TMEM132B: variants seen among roughly 807,000 people sequenced by gnomAD.
The protein encoded by TMEM132B is transmembrane protein 132B.
In TMEM132B, 18 loss-of-function variants were observed where a neutral mutation model predicts 90.8. The ratio of observed to expected loss-of-function variants is 0.20; its 90% CI spans 0.14 to 0.29. The LOEUF (loss-of-function observed/expected upper bound fraction) is 0.29. TMEM132B is among the 10% of genes least tolerant of loss of function. The pLI, the probability that TMEM132B is intolerant of heterozygous loss-of-function variation, is 1.00. For missense variants in TMEM132B, 1,096 were observed against 1,326.8 expected (o/e 0.83, Z 2.70); for synonymous variants, 504 against 523.3 (o/e 0.96, Z 0.50).
At chr12:125,308,325 C>T (rs1876044481) in intron 1 of TMEM132B, among the ~76,000 whole-genome samples, 1 of 152,112 alleles carries the variant, frequency 6.6e-6, no homozygotes, top group African/African-American at 2.4e-5. Context: ...GTCATCCACT[C>T]TGTTCTTTGC....
chr12:125,551,969 T>A (rs1464708650), intron 4 of TMEM132B, among the ~76,000 whole-genome samples: 1 of 152,186 alleles, frequency 6.6e-6, no homozygotes, highest in Non-Finnish European at 1.5e-5. Context: ...TGCCATGAGA[T>A]GACAAATGTT....
chr12:125,284,767 C>T (rs755256075), intron 1 of TMEM132B, among the ~76,000 whole-genome samples: 26 of 151,730 alleles, frequency 1.7e-4, no homozygotes, highest in Non-Finnish European at 3.2e-4. Flanking sequence ...ATTTATTGGC[C>T]AATGTAGCTA....
In TMEM132B at chr12:125,660,224, G is replaced by C. The variant is rs1887174267; in HGVS notation, c.*5514G>C. On this transcript the variant is annotated 3_prime_UTR_variant, in exon 9 of 9. Coordinates refer to ENST00000682704, the MANE Select transcript of TMEM132B (RefSeq NM_001366854.1). ...AGATCGTACCACTGCACTCTGGCCT[G>C]GGCAACAAGAGCGAGACTTTGTCTC... is the stretch of plus-strand genomic sequence containing the variant. 1 of 152,184 alleles carries C rather than the reference G, an allele frequency of 6.6e-6. No individual in the cohort carries two copies. Among genetic ancestry groups the C allele is most frequent in the African/African-American group, 2.4e-5 (1 of 41,432 alleles). 9.4% of individuals were successfully genotyped at this position (152,184 alleles called of 1,614,324 possible).
At chr12:125,355,550 G>A (rs879080656) in intron 2 of TMEM132B, among the ~76,000 whole-genome samples, 2 of 152,188 alleles carry the variant, frequency 1.3e-5, no homozygotes, top group Non-Finnish European at 2.9e-5. Context: ...GCTGCACGGT[G>A]GAAGATCAGA....
chr12:125,528,475 A>G (rs1460827140), intron 4 of TMEM132B, among the ~76,000 whole-genome samples: 2 of 152,200 alleles, frequency 1.3e-5, no homozygotes, highest in Non-Finnish European at 2.9e-5. Context: ...GAAACCTTAC[A>G]ACAAGGCCTG....
At chr12:125,501,089 G>T (rs1322123445) in intron 3 of TMEM132B, among the ~76,000 whole-genome samples, 1 of 152,202 alleles carries the variant, frequency 6.6e-6, no homozygotes, top group Admixed American at 6.5e-5. Context: ...CTCTTGTAAG[G>T]TTGAGAAATC....
At chr12:125,291,766 A>T (rs7136896) in intron 1 of TMEM132B, among the ~76,000 whole-genome samples, 56,511 of 151,422 alleles carry the variant, frequency 0.37, 10,886 homozygotes, top group East Asian at 0.53. Flanking sequence ...TGCTTTTTTT[A>T]AAAAAAAATT....
At chr12:125,456,547 T>C (rs1434739139) in intron 3 of TMEM132B, among the ~76,000 whole-genome samples, 3 of 152,240 alleles carry the variant, frequency 2.0e-5, no homozygotes, top group Non-Finnish European at 4.4e-5. Context: ...CTTTGCCTGC[T>C]GAGGAGCCTT....
intron 4 of TMEM132B, among the ~76,000 whole-genome samples, chr12:125,521,498 C>T (rs540952868): frequency 6.6e-6 from 1 of 152,296 alleles, no homozygotes; most frequent in Admixed American, 6.5e-5. Flanking sequence ...TAGAACAGAG[C>T]AGCTTTAAAT....
At chr12:125,543,024 CT>C (rs1429439744) in intron 4 of TMEM132B, among the ~76,000 whole-genome samples, 1 of 152,134 alleles carries the variant, frequency 6.6e-6, no homozygotes, top group Non-Finnish European at 1.5e-5. Context: ...GAATATGACC[CT>C]TATTCAGTCA....
At chr12:125,264,324 C>G (rs978972617) in intron 1 of TMEM132B, among the ~76,000 whole-genome samples, 7 of 152,208 alleles carry the variant, frequency 4.6e-5, no homozygotes, top group African/African-American at 1.7e-4. Context: ...ATCACATGTG[C>G]AGAGTCCCAT....
chr12:125,340,803 G>A (rs763785075), intron 1 of TMEM132B, among the ~76,000 whole-genome samples: 1 of 152,178 alleles, frequency 6.6e-6, no homozygotes, highest in Non-Finnish European at 1.5e-5. Flanking sequence ...GGCACACACC[G>A]CTGGGCCCTC....
At chr12:125,625,886 A>G (rs1210506485) in intron 5 of TMEM132B, among the ~76,000 whole-genome samples, 2 of 152,002 alleles carry the variant, frequency 1.3e-5, no homozygotes, top group Admixed American at 6.6e-5. Context: ...TTTAATTGGT[A>G]TTTCCTTGAT....
Position 125,408,054 on chromosome 12 carries a change from G to A in TMEM132B, c.960-7477G>A, listed in dbSNP as rs1051032330. Among the ~76,000 whole-genome samples, 2 of 152,258 alleles carry A rather than the reference G, an allele frequency of 1.3e-5. No individual in the cohort carries two copies. Among genetic ancestry groups the A allele is most frequent in the African/African-American group, 2.4e-5 (1 of 41,544 alleles). On this transcript the variant is annotated intron_variant, in intron 2 of 8. Transcript: ENST00000682704. This position sits in a 1 kb window ranked among gnomAD's most constrained non-coding sequence, Gnocchi z 5.9. ...TCAGTGACTGCCTCTACCACAGGGCGGCCACTGTGCAGGCTTTCACCTCGG... is the reference window on the plus strand; with the variant it reads ...TCAGTGACTGCCTCTACCACAGGGCAGCCACTGTGCAGGCTTTCACCTCGG...
At chr12:125,651,023 G>T in intron 7 of TMEM132B, 70 bp downstream of exon 7, 1 of 1,570,522 alleles carries the variant, frequency 6.4e-7, no homozygotes. Flanking sequence ...CTGTTGTGCA[G>T]ATGTGTGTCT....
intron 5 of TMEM132B, among the ~76,000 whole-genome samples, chr12:125,611,756 T>A (rs1276942373): frequency 6.6e-6 from 1 of 152,168 alleles, no homozygotes; most frequent in Non-Finnish European, 1.5e-5. Context: ...AAGTCTATCA[T>A]GATCCGACAA....
intron 4 of TMEM132B, among the ~76,000 whole-genome samples, chr12:125,524,616 T>C (rs1883397764): frequency 6.6e-6 from 1 of 152,276 alleles, no homozygotes; most frequent in Admixed American, 6.5e-5. Flanking sequence ...TGTTTGCCCA[T>C]TGGCCTGGCA....
intron 1 of TMEM132B, among the ~76,000 whole-genome samples, chr12:125,308,746 A>C (rs962061012): frequency 5.3e-5 from 8 of 151,932 alleles, no homozygotes; most frequent in African/African-American, 1.7e-4. Context: ...TCACTTTTGC[A>C]GCAGGTCTTT....
chr12:125,307,834 T>A (rs1481517352), intron 1 of TMEM132B, among the ~76,000 whole-genome samples: 1 of 19,860 alleles, frequency 5.0e-5, no homozygotes, highest in African/African-American at 2.2e-4. Flanking sequence ...GTATATATAC[T>A]TATATTAATA....
Sources: allele counts gnomAD v4.1 joint callset (sites outside exome capture counted in the v4.1 genomes callset), GRCh38; gene constraint gnomAD v4.1.1; non-coding constraint Gnocchi (gnomAD v3.1); transcripts MANE v1.5; gene names NCBI Gene and HGNC (gene_info 2026-07-23, HGNC 2026-07-21).